Variants in CSMD1 observed in about 807,000 individuals in gnomAD.
CSMD1 encodes CUB and sushi domain-containing protein 1.
CSMD1 carries 213 observed loss-of-function variants against 417.5 expected under a neutral mutation model. The ratio of observed to expected loss-of-function variants is 0.51; its 90% confidence interval spans 0.46 to 0.57. The LOEUF is 0.57. CSMD1 is among the 20% of genes least tolerant of loss of function. CSMD1 has a pLI of 0.00. For synonymous variants in CSMD1, 2,862 were observed against 1,736.8 expected (o/e 1.65, Z -16.11); for missense variants, 6,923 against 4,529.7 (o/e 1.53, Z -15.17).
At chr8:3,957,791 T>C (rs751292288) in intron 5 of CSMD1, among the ~76,000 whole-genome samples, 4 of 151,950 alleles carry the variant, frequency 2.6e-5, no homozygotes, top group East Asian at 3.9e-4. Flanking sequence ...AGAAGAATAA[T>C]GTTGTTAGTT....
chr8:4,197,892 A>G lies in CSMD1; in HGVS notation c.416-165793T>C, dbSNP rs75355163. ...AGACTCCATCTAAAAGTTAAGAAGA[A>G]AAAAAGCTTCATCCATTTCATCTAT... On this transcript the variant is annotated intron_variant, in intron 3 of 69. Coordinates refer to ENST00000635120, the MANE Select transcript of CSMD1 (RefSeq NM_033225.6). 8.1e-4 allele frequency among the ~76,000 whole-genome samples: 123 copies of G among 152,284 alleles called. 1 individual carries two copies. In the East Asian group the frequency reaches 0.022, roughly 27 times the overall value.
At chr8:3,900,423 CAG>C (rs751735789) in intron 5 of CSMD1, among the ~76,000 whole-genome samples, 21 of 151,400 alleles carry the variant, frequency 1.4e-4, no homozygotes, top group Non-Finnish European at 2.9e-4. Flanking sequence ...AGCTGGGTGA[CAG>C]TGTAGCTGGG....
rs1378560874 is a variant in CSMD1, at chr8:3,191,232, A to T, written c.5195-1117T>A. On this transcript the variant is annotated intron_variant, in intron 33 of 69. Transcript: ENST00000635120. Reference sequence around the variant, plus strand: ...CACTTTGGGAGGCAGAGGAGGGTGGATCACTTGAGGTCGAGAGTTCGTTTA... The same window carrying T: ...CACTTTGGGAGGCAGAGGAGGGTGGTTCACTTGAGGTCGAGAGTTCGTTTA... Among the ~76,000 whole-genome samples the T allele has an allele frequency of 3.3e-5, 5 of 152,182 alleles. No homozygotes were observed. In the South Asian group the frequency reaches 6.2e-4, roughly 19 times the overall value.
At chr8:3,414,798 G>A (rs1372503098) in intron 12 of CSMD1, among the ~76,000 whole-genome samples, 3 of 152,128 alleles carry the variant, frequency 2.0e-5, no homozygotes, top group Non-Finnish European at 4.4e-5. Flanking sequence ...CTTCACACCT[G>A]CTGTAAATAT....
At chr8:3,905,767 A>T (rs766020401) in intron 5 of CSMD1, among the ~76,000 whole-genome samples, 5 of 152,184 alleles carry the variant, frequency 3.3e-5, no homozygotes, top group African/African-American at 4.8e-5. Flanking sequence ...TCATCACCCT[A>T]AACCTTGCTC....
chr8:4,633,229 G>GT lies in CSMD1; in HGVS notation c.302+4112dup, dbSNP rs200784929. Among the ~76,000 whole-genome samples, 599 of 151,822 alleles carry GT rather than the reference G, an allele frequency of 3.9e-3. 9 individuals carry two copies. Among genetic ancestry groups the GT allele is most frequent in the African/African-American group, 0.014 (564 of 41,416 alleles). On this transcript the variant is annotated intron_variant, in intron 2 of 69. Coordinates refer to ENST00000635120, the MANE Select transcript of CSMD1 (RefSeq NM_033225.6). ...AACAGGCTGTGGTTAATGGAAAGGT[G>GT]TTTTTTTATGTGTTCGTTTGTTTCT...
chr8:4,369,776 G>C (rs1377521907), intron 3 of CSMD1, among the ~76,000 whole-genome samples: 1 of 152,038 alleles, frequency 6.6e-6, no homozygotes, highest in Non-Finnish European at 1.5e-5. Context: ...TTCATTTTCT[G>C]TTTGCCTGAT....
At chr8:3,373,918 T>C (rs983517594) in intron 18 of CSMD1, among the ~76,000 whole-genome samples, 1 of 151,918 alleles carries the variant, frequency 6.6e-6, no homozygotes, top group African/African-American at 2.4e-5. Context: ...CGTTGTGATA[T>C]TTTCCTGGCT....
chr8:4,623,539 G>A (rs1056810836), intron 2 of CSMD1, among the ~76,000 whole-genome samples: 1 of 151,744 alleles, frequency 6.6e-6, no homozygotes, highest in Non-Finnish European at 1.5e-5. Context: ...ATAATCAAAG[G>A]AGCTTTATTT....
chr8:4,639,239 C>T (rs1198036731), intron 1 of CSMD1, among the ~76,000 whole-genome samples: 1 of 143,840 alleles, frequency 7.0e-6, no homozygotes, highest in African/African-American at 2.6e-5. Context: ...AATTTGGTCC[C>T]TGTGGTTGTC....
chr8:3,663,691 C>G (rs1438461431), intron 7 of CSMD1, among the ~76,000 whole-genome samples: 1 of 152,140 alleles, frequency 6.6e-6, no homozygotes, highest in Non-Finnish European at 1.5e-5. Flanking sequence ...CTGGAAACCC[C>G]TTCTCTGCTT....
At chr8:4,670,030 AT>A (rs1475390136) in intron 1 of CSMD1, among the ~76,000 whole-genome samples, 3 of 152,188 alleles carry the variant, frequency 2.0e-5, no homozygotes, top group African/African-American at 7.2e-5. Context: ...GAACTCAACC[AT>A]CTGAACCCTG....
At chr8:4,843,605 CAGG>C (rs1800961908) in intron 1 of CSMD1, among the ~76,000 whole-genome samples, 1 of 152,130 alleles carries the variant, frequency 6.6e-6, no homozygotes, top group Non-Finnish European at 1.5e-5. Flanking sequence ...TTGTCCAAGC[CAGG>C]AGTTCTGTTT....
intron 1 of CSMD1, among the ~76,000 whole-genome samples, chr8:4,927,959 G>A (rs981966353): frequency 9.2e-5 from 14 of 152,136 alleles, no homozygotes; most frequent in Admixed American, 2.6e-4. Flanking sequence ...CATCTCCAGT[G>A]ATTCTTTCAG....
At chr8:3,814,395 G>C (rs780914632) in intron 5 of CSMD1, among the ~76,000 whole-genome samples, 1 of 152,130 alleles carries the variant, frequency 6.6e-6, no homozygotes, top group African/African-American at 2.4e-5. Context: ...TACTATATCA[G>C]GGAGTAAACT....
chr8:4,721,866 T>A (rs1375307587), intron 1 of CSMD1, among the ~76,000 whole-genome samples: 2 of 152,130 alleles, frequency 1.3e-5, no homozygotes, highest in African/African-American at 2.4e-5. Flanking sequence ...ATACTGTCAT[T>A]TGTGAAAACA....
chr8:4,105,434 A>C (rs1001984137), intron 3 of CSMD1, among the ~76,000 whole-genome samples: 8 of 152,218 alleles, frequency 5.3e-5, no homozygotes, highest in African/African-American at 1.9e-4. Flanking sequence ...GACACTGGTT[A>C]AACTCATTAA....
At chr8:4,795,061 T>G (rs1482810887) in intron 1 of CSMD1, among the ~76,000 whole-genome samples, 1 of 151,956 alleles carries the variant, frequency 6.6e-6, no homozygotes, top group African/African-American at 2.4e-5. Context: ...AAGTTTCTGC[T>G]GTCTTTAATA....
At chr8:3,463,074 C>T (rs1012580556) in intron 12 of CSMD1, among the ~76,000 whole-genome samples, 5 of 152,206 alleles carry the variant, frequency 3.3e-5, no homozygotes, top group Admixed American at 1.3e-4. Context: ...CTGCCTTGAT[C>T]GTGGACTTCC....
Sources: allele counts gnomAD v4.1 joint callset (sites outside exome capture counted in the v4.1 genomes callset), GRCh38; gene constraint gnomAD v4.1.1; transcripts MANE v1.5; gene names NCBI Gene and HGNC (gene_info 2026-07-23, HGNC 2026-07-21).